LRP1B: variants seen among roughly 807,000 people sequenced by gnomAD.
LRP1B encodes low-density lipoprotein receptor-related protein 1B.
A neutral mutation model predicts 556.6 loss-of-function variants in LRP1B; 217 were observed. The ratio of observed to expected loss-of-function variants is 0.39; its 90% confidence interval spans 0.35 to 0.44. LRP1B has a LOEUF of 0.44. LRP1B is among the 20% of genes least tolerant of loss of function. LRP1B has a pLI of 1.00. For synonymous variants in LRP1B, 2,047 were observed against 1,865.8 expected (o/e 1.10, Z -2.50); for missense variants, 5,053 against 5,620.8 (o/e 0.90, Z 3.23).
chr2:140,935,418 A>G (rs1422001106), intron 20 of LRP1B, among the ~76,000 whole-genome samples: 1 of 152,156 alleles, frequency 6.6e-6, no homozygotes, highest in Admixed American at 6.6e-5. Context: ...AAAGAGATTC[A>G]AAGGCAGATT....
intron 25 of LRP1B, among the ~76,000 whole-genome samples, chr2:140,874,581 T>C (rs555547216): frequency 2.6e-5 from 4 of 152,282 alleles, no homozygotes; most frequent in South Asian, 2.1e-4. Flanking sequence ...GTCATTATTA[T>C]TAAGTTTTGG....
At chr2:141,024,762 A>C (rs1182763963) in intron 11 of LRP1B, among the ~76,000 whole-genome samples, 2 of 152,024 alleles carry the variant, frequency 1.3e-5, no homozygotes, top group African/African-American at 4.8e-5. Context: ...AACAAGCAGG[A>C]TGGTCATCAG....
chr2:142,002,910 C>T (rs1419494857), intron 1 of LRP1B, among the ~76,000 whole-genome samples: 1 of 152,158 alleles, frequency 6.6e-6, no homozygotes, highest in Non-Finnish European at 1.5e-5. Context: ...GAGAAATGAT[C>T]ATGTCTTTGT....
intron 11 of LRP1B, among the ~76,000 whole-genome samples, chr2:141,037,712 G>A (rs916409672): frequency 2.0e-5 from 3 of 151,970 alleles, no homozygotes; most frequent in African/African-American, 7.2e-5. Context: ...AGGTTGTCCA[G>A]CTGGATACAG....
At chr2:141,856,666 G>A (rs1251672726) in intron 1 of LRP1B, among the ~76,000 whole-genome samples, 1 of 152,034 alleles carries the variant, frequency 6.6e-6, no homozygotes, top group Non-Finnish European at 1.5e-5. Context: ...TACAAAACAA[G>A]GCAAAAAGAG....
chr2:141,935,948 T>C (rs1271474969), intron 1 of LRP1B, among the ~76,000 whole-genome samples: 1 of 152,136 alleles, frequency 6.6e-6, no homozygotes, highest in African/African-American at 2.4e-5. Flanking sequence ...CTTTACTACA[T>C]TAACACACTA....
chr2:141,037,393 T>C (rs1420798149), intron 11 of LRP1B, among the ~76,000 whole-genome samples: 1 of 152,108 alleles, frequency 6.6e-6, no homozygotes, highest in East Asian at 1.9e-4. Flanking sequence ...GATGGAGGGA[T>C]ACTTTTCACC....
intron 2 of LRP1B, among the ~76,000 whole-genome samples, chr2:141,500,511 A>G (rs1479444335): frequency 2.6e-5 from 4 of 152,164 alleles, no homozygotes; most frequent in African/African-American, 7.2e-5. Flanking sequence ...AAATCAACAA[A>G]GGTTTCTCAT....
intron 66 of LRP1B, among the ~76,000 whole-genome samples, chr2:140,387,432 A>C (rs1204786881): frequency 6.6e-6 from 1 of 152,198 alleles, no homozygotes; most frequent in East Asian, 1.9e-4. Flanking sequence ...ATTTATTTAA[A>C]CATATGAGGA....
At chr2:141,154,153 G>A (rs1035837745) in intron 7 of LRP1B, among the ~76,000 whole-genome samples, 8 of 151,686 alleles carry the variant, frequency 5.3e-5, no homozygotes, top group African/African-American at 1.7e-4. Flanking sequence ...AAGCTAATAC[G>A]ACTGAAAAGA....
chr2:140,635,695 T>A (rs1474863048), intron 41 of LRP1B, among the ~76,000 whole-genome samples: 2 of 152,032 alleles, frequency 1.3e-5, no homozygotes, highest in East Asian at 1.9e-4. Flanking sequence ...TCCTTTATTA[T>A]AACAGCAAGA....
At chr2:140,337,507 G>C (rs1681161169) in intron 77 of LRP1B, among the ~76,000 whole-genome samples, 1 of 151,672 alleles carries the variant, frequency 6.6e-6, no homozygotes, top group Admixed American at 6.6e-5. Context: ...TTTTCAACTT[G>C]TCATCATTTA....
chr2:140,601,952 A>G (rs1423354533), intron 41 of LRP1B, among the ~76,000 whole-genome samples: 1 of 152,136 alleles, frequency 6.6e-6, no homozygotes, highest in Admixed American at 6.6e-5. Flanking sequence ...AATTTTCAAA[A>G]ATATCCAACG....
intron 20 of LRP1B, 27 bp from the exon 21 acceptor site, chr2:140,923,174 G>A (rs2105259093): frequency 6.5e-7 from 1 of 1,542,440 alleles, no homozygotes. Flanking sequence ...GAAGAGAGAA[G>A]CAGAGGGGGG....
chr2:140,253,282 T>G (rs1681533794), intron 86 of LRP1B, among the ~76,000 whole-genome samples: 1 of 151,980 alleles, frequency 6.6e-6, no homozygotes, highest in Admixed American at 6.6e-5. Flanking sequence ...TTCTGAGAAG[T>G]GTTAATGTGG....
chr2:141,201,679 C>T (rs13418958), intron 6 of LRP1B, among the ~76,000 whole-genome samples: 58,945 of 151,740 alleles, frequency 0.39, 11,900 homozygotes, highest in East Asian at 0.71. Flanking sequence ...ATTTCTTAAC[C>T]TAACCAAGTT....
rs2105166619 is a variant in LRP1B, at chr2:140,371,181, C to T, written c.10873G>A (p.Glu3625Lys). The T allele has an allele frequency of 6.4e-7, 1 of 1,564,276 alleles. No individual in the cohort carries two copies. The highest frequency in any genetic ancestry group is 8.7e-7 in the Non-Finnish European group (1 of 1,150,818). ...GEYDCADGSD[E>K]MDCVTECKED... The stretch of plus-strand genomic sequence containing the variant: ...TTTAATTAAACAATATATTTTACCT[C>T]ATCTGAACCATCAGCACAATCATAT... The change falls in exon 70 of 91, where the codon GAG becomes AAG. Residue 3625 changes from glutamate (E) to lysine (K), a missense_variant and splice_region_variant. By Grantham distance (56) the Glu-to-Lys change is moderately conservative. Around this residue, in one of 5 missense-constraint regions of LRP1B, gnomAD observed 599 missense variants for 648.4 expected, o/e 0.92. Transcript: ENST00000389484.
chr2:141,181,692 T>G (rs1681002602), intron 7 of LRP1B, among the ~76,000 whole-genome samples: 1 of 151,950 alleles, frequency 6.6e-6, no homozygotes, highest in African/African-American at 2.4e-5. Context: ...AAGTATTCAC[T>G]GCATATAAAC....
At chr2:141,193,345 T>G (rs1681603203) in intron 6 of LRP1B, among the ~76,000 whole-genome samples, 1 of 151,986 alleles carries the variant, frequency 6.6e-6, no homozygotes, top group Non-Finnish European at 1.5e-5. Flanking sequence ...TCAACCTAAA[T>G]GCTCATCGTG....
Sources: gnomAD v4.1 joint callset for allele counts (sites outside exome capture counted in the v4.1 genomes callset) on GRCh38, gnomAD v4.1.1 for gene constraint, gnomAD v4.1.1 regional missense constraint, MANE v1.5 for transcripts, NCBI Gene and HGNC (gene_info 2026-07-23, HGNC 2026-07-21) for gene names.